Variants in PLD5 observed in about 807,000 individuals in gnomAD.
PLD5 encodes inactive phospholipase D5.
A neutral mutation model predicts 61.1 loss-of-function variants in PLD5; 36 were observed. The ratio of observed to expected loss-of-function variants is 0.59; its 90% CI spans 0.45 to 0.78. The LOEUF (loss-of-function observed/expected upper bound fraction) is 0.78. Ranked by LOEUF, PLD5 falls within the 30% of genes least tolerant of loss-of-function variation. The pLI is 0.00. For synonymous variants in PLD5, 243 were observed against 242.8 expected (o/e 1.00, Z -0.01); for missense variants, 515 against 644.4 (o/e 0.80, Z 2.17).
intron 1 of PLD5, among the ~76,000 whole-genome samples, chr1:242,438,255 G>GA (rs1200447312): frequency 2.7e-5 from 4 of 148,716 alleles, no homozygotes; most frequent in South Asian, 2.1e-4. Flanking sequence ...TTGCACATTA[G>GA]AAAAAAAAAT....
chr1:242,288,786 C>T (rs1675179889), intron 2 of PLD5, among the ~76,000 whole-genome samples: 1 of 152,200 alleles, frequency 6.6e-6, no homozygotes. Context: ...GAGTATGTCT[C>T]TAATGTCCAG....
intron 5 of PLD5, among the ~76,000 whole-genome samples, chr1:242,133,263 G>A (rs57285172): frequency 0.076 from 11,570 of 152,070 alleles, 508 homozygotes; most frequent in African/African-American, 0.12. Context: ...CCTCTGACTG[G>A]TCACAGGAGG....
In PLD5 at chr1:242,524,689, G is replaced by C. The variant is rs1365003348; in HGVS notation, c.-413C>G. On this transcript the variant is annotated 5_prime_UTR_variant, in exon 1 of 10. Transcript: ENST00000536534. Reference sequence around the variant, plus strand: ...GCGCTCCGCTCGCCGGCTCCTTGCGGCACCTACTGGGACCCGGGCCGGCTC... The same window carrying C: ...GCGCTCCGCTCGCCGGCTCCTTGCGCCACCTACTGGGACCCGGGCCGGCTC... The C allele has an allele frequency of 7.2e-6, 1 of 139,560 alleles. No homozygotes were observed. Among genetic ancestry groups the C allele is most frequent in the African/African-American group, 2.5e-5 (1 of 39,268 alleles). The allele number at this position is 139,560 out of a possible 1,614,324, so 8.6% of individuals were successfully genotyped here.
At chr1:242,148,390 A>C (rs1368374878) in intron 5 of PLD5, among the ~76,000 whole-genome samples, 1 of 151,524 alleles carries the variant, frequency 6.6e-6, no homozygotes, top group African/African-American at 2.4e-5. Context: ...GTCTAAACTT[A>C]GTATAGTAGG....
intron 4 of PLD5, among the ~76,000 whole-genome samples, chr1:242,252,672 G>A (rs954622564): frequency 7.9e-5 from 12 of 152,164 alleles, no homozygotes; most frequent in Non-Finnish European, 1.3e-4. Flanking sequence ...AGTATTTTTA[G>A]CAACTAGCTT....
At chr1:242,158,539 T>A (rs7535289) in intron 5 of PLD5, among the ~76,000 whole-genome samples, 52,889 of 151,676 alleles carry the variant, frequency 0.35, 9,449 homozygotes, top group African/African-American at 0.39. Context: ...TCAGGCTCAG[T>A]CCCCCACAGC....
chr1:242,191,269 TTATTTAAAAGAAGG>T (rs1283123145), intron 5 of PLD5, among the ~76,000 whole-genome samples: 6 of 152,110 alleles, frequency 3.9e-5, no homozygotes, highest in Non-Finnish European at 8.8e-5. Flanking sequence ...TTAAGAGAGT[TTATTTAAAAGAAGG>T]TATTTAAAAG....
chr1:242,286,729 G>A lies in PLD5; in HGVS notation c.495+1633C>T, dbSNP rs181822335. Among the ~76,000 whole-genome samples, 122 of 152,194 alleles carry A rather than the reference G, an allele frequency of 8.0e-4. 2 individuals are homozygous for A. Among genetic ancestry groups the A allele is most frequent in the African/African-American group, 2.9e-3 (119 of 41,526 alleles). On this transcript the variant is annotated intron_variant, in intron 3 of 9. Transcript: ENST00000536534. ...CTCTCTTGTGAAGATCCACATGTACGAGTAAAACTAATAAAATCTGTAGAC... is the reference window on the plus strand; with the variant it reads ...CTCTCTTGTGAAGATCCACATGTACAAGTAAAACTAATAAAATCTGTAGAC...
chr1:242,389,772 G>A (rs1321755261), intron 1 of PLD5, among the ~76,000 whole-genome samples: 5 of 151,930 alleles, frequency 3.3e-5, no homozygotes, highest in Non-Finnish European at 5.9e-5. Context: ...TAAACAGTGG[G>A]CCCCTAATAT....
At chr1:242,530,173 C>A in the PLD5 span, among the ~76,000 whole-genome samples, 2 of 152,134 alleles carry the variant, frequency 1.3e-5, no homozygotes, top group East Asian at 3.9e-4. Flanking sequence ...GGATTACAGG[C>A]GTGAGCCACC....
chr1:242,231,028 C>A (rs1354954770), intron 4 of PLD5, among the ~76,000 whole-genome samples: 1 of 152,004 alleles, frequency 6.6e-6, no homozygotes, highest in South Asian at 2.1e-4. Context: ...AGACTGTGCT[C>A]AAAAATAATA....
chr1:242,517,029 G>A (rs141388322), intron 1 of PLD5, among the ~76,000 whole-genome samples: 139 of 149,708 alleles, frequency 9.3e-4, no homozygotes, highest in African/African-American at 3.3e-3. Context: ...ACTAAATTTT[G>A]CCTATTGGCT....
chr1:242,392,566 C>G (rs962975848), intron 1 of PLD5, among the ~76,000 whole-genome samples: 4 of 152,166 alleles, frequency 2.6e-5, no homozygotes, highest in Non-Finnish European at 5.9e-5. Flanking sequence ...CCCATCTTGT[C>G]CATGGCAGCA....
At chr1:242,364,505 C>G (rs1222347804) in intron 1 of PLD5, among the ~76,000 whole-genome samples, 6 of 151,980 alleles carry the variant, frequency 3.9e-5, no homozygotes, top group Non-Finnish European at 8.8e-5. Flanking sequence ...TCACTTGAGG[C>G]CAGGGGTTCG....
intron 2 of PLD5, among the ~76,000 whole-genome samples, chr1:242,339,134 T>C (rs1659693743): frequency 6.6e-6 from 1 of 152,198 alleles, no homozygotes; most frequent in Non-Finnish European, 1.5e-5. Context: ...AATAAAGTAA[T>C]GTAATAATAC....
At chr1:242,378,527 T>C (rs1662097094) in intron 1 of PLD5, among the ~76,000 whole-genome samples, 1 of 152,122 alleles carries the variant, frequency 6.6e-6, no homozygotes, top group Non-Finnish European at 1.5e-5. Flanking sequence ...GTTATACATA[T>C]TTTACCACAA....
chr1:242,414,620 C>T (rs1417975236), intron 1 of PLD5, among the ~76,000 whole-genome samples: 1 of 152,150 alleles, frequency 6.6e-6, no homozygotes, highest in Non-Finnish European at 1.5e-5. Context: ...TTAGTGAATA[C>T]ATCAGGATAA....
intron 2 of PLD5, among the ~76,000 whole-genome samples, chr1:242,337,692 T>C (rs1182272427): frequency 6.6e-6 from 1 of 152,150 alleles, no homozygotes; most frequent in Non-Finnish European, 1.5e-5. Flanking sequence ...CTTTGCAGTC[T>C]TCTACACATG....
chr1:242,267,523 G>A (rs1391157720), intron 3 of PLD5, among the ~76,000 whole-genome samples: 6 of 152,200 alleles, frequency 3.9e-5, no homozygotes, highest in Non-Finnish European at 5.9e-5. Flanking sequence ...CCTGGAGGAA[G>A]CCTCACCACA....
Sources: gnomAD v4.1 joint callset for allele counts (sites outside exome capture counted in the v4.1 genomes callset) on GRCh38, gnomAD v4.1.1 for gene constraint, MANE v1.5 for transcripts, NCBI Gene and HGNC (gene_info 2026-07-23, HGNC 2026-07-21) for gene names.